Variants in CPNE4 observed in about 807,000 individuals in gnomAD.
CPNE4 encodes copine 4.
A neutral mutation model predicts 67.9 loss-of-function variants in CPNE4; 25 were observed. The observed-to-expected ratio is 0.37, with a 90% CI of 0.27 to 0.51. The LOEUF is 0.51. Among genes scored for constraint, CPNE4 ranks in the 20% least tolerant of loss-of-function variants. The probability of loss-of-function intolerance (pLI) is 0.93; values close to 1 mark genes in which losing one functional copy is unlikely to be tolerated. For missense variants in CPNE4, 464 were observed against 690.8 expected (o/e 0.67, Z 3.68); for synonymous variants, 242 against 244.9 (o/e 0.99, Z 0.11).
chr3:132,016,337 A>G (rs1298290049), intron 1 of CPNE4, among the ~76,000 whole-genome samples: 4 of 152,222 alleles, frequency 2.6e-5, no homozygotes, highest in African/African-American at 9.6e-5. Flanking sequence ...TGGAATTTCA[A>G]CCACCGATCT....
intron 1 of CPNE4, among the ~76,000 whole-genome samples, chr3:131,926,305 T>C (rs1284360996): frequency 1.3e-5 from 2 of 152,134 alleles, no homozygotes; most frequent in South Asian, 2.1e-4. Flanking sequence ...GTGACAAGCA[T>C]TGTAAAAAAA....
intron 2 of CPNE4, among the ~76,000 whole-genome samples, chr3:131,888,551 C>G (rs1359494973): frequency 2.0e-5 from 3 of 152,136 alleles, no homozygotes; most frequent in Admixed American, 2.0e-4. Context: ...AAACTGACCC[C>G]AAGAACATCT....
chr3:132,029,725 T>C (rs2074197706), intron 1 of CPNE4, among the ~76,000 whole-genome samples: 2 of 152,242 alleles, frequency 1.3e-5, no homozygotes, highest in Admixed American at 1.3e-4. Context: ...GAAATTTCTC[T>C]AGTTTCCTAA....
intron 1 of CPNE4, among the ~76,000 whole-genome samples, chr3:131,947,102 G>A (rs933950221): frequency 6.6e-6 from 1 of 152,166 alleles, no homozygotes; most frequent in Non-Finnish European, 1.5e-5. Flanking sequence ...TGTGATTATT[G>A]TAGCTCTATC....
intron 1 of CPNE4, among the ~76,000 whole-genome samples, chr3:131,982,602 G>A (rs891312461): frequency 6.6e-6 from 1 of 152,050 alleles, no homozygotes; most frequent in Non-Finnish European, 1.5e-5. Context: ...TTTATTATTT[G>A]TGTGCTTTAT....
chr3:131,657,221 G>A (rs1214335220), intron 7 of CPNE4, among the ~76,000 whole-genome samples: 1 of 152,120 alleles, frequency 6.6e-6, no homozygotes, highest in African/African-American at 2.4e-5. Flanking sequence ...TGACCCTGAA[G>A]TTTATGGTTT....
chr3:131,981,937 G>T (rs958403236), intron 1 of CPNE4, among the ~76,000 whole-genome samples: 3 of 152,194 alleles, frequency 2.0e-5, no homozygotes, highest in Non-Finnish European at 4.4e-5. Context: ...ATGTCTCCCA[G>T]GTCCTGCAGG....
chr3:131,569,225 C>T (rs944919595), intron 10 of CPNE4, among the ~76,000 whole-genome samples: 3 of 151,858 alleles, frequency 2.0e-5, no homozygotes, highest in African/African-American at 7.3e-5. Flanking sequence ...TAAGCAGACT[C>T]GAAGGTCTAC....
chr3:132,024,787 A>G (rs537306825), intron 1 of CPNE4, among the ~76,000 whole-genome samples: 29 of 152,286 alleles, frequency 1.9e-4, no homozygotes, highest in African/African-American at 7.0e-4. Context: ...TAATGTGTAT[A>G]AAGTGCCCCA....
At chr3:132,007,807 C>T (rs1303997334) in intron 1 of CPNE4, among the ~76,000 whole-genome samples, 2 of 152,176 alleles carry the variant, frequency 1.3e-5, no homozygotes, top group Non-Finnish European at 1.5e-5. Context: ...CAGTCACTTG[C>T]TCATGTGTCA....
intron 2 of CPNE4, among the ~76,000 whole-genome samples, chr3:131,751,771 T>TTTTTTG (rs1553765167): frequency 5.9e-5 from 8 of 136,578 alleles, no homozygotes; most frequent in South Asian, 2.4e-4. Context: ...GCTGTTTTTT[T>TTTTTTG]TTTGTTTTTT....
chr3:131,861,959 C>T (rs73203885), intron 2 of CPNE4, among the ~76,000 whole-genome samples: 4 of 152,068 alleles, frequency 2.6e-5, no homozygotes, highest in Non-Finnish European at 4.4e-5. Flanking sequence ...ACTAATGAAG[C>T]GAAGTGAGGA....
intron 7 of CPNE4, among the ~76,000 whole-genome samples, chr3:131,666,527 T>C (rs73871344): frequency 0.02 from 3,027 of 152,294 alleles, 110 homozygotes; most frequent in African/African-American, 0.063. Context: ...ACTAAGTTTA[T>C]ATCAAAAGAA....
At chr3:131,784,308 T>C (rs1238449765) in intron 2 of CPNE4, among the ~76,000 whole-genome samples, 3 of 152,100 alleles carry the variant, frequency 2.0e-5, no homozygotes, top group African/African-American at 7.2e-5. Context: ...TATAGGTCTG[T>C]AGGTGATTCC....
chr3:132,014,537 A>G (rs984223946), intron 1 of CPNE4, among the ~76,000 whole-genome samples: 10 of 152,126 alleles, frequency 6.6e-5, no homozygotes, highest in African/African-American at 2.4e-4. Flanking sequence ...CAGTATCCAG[A>G]TTATTTCCAT....
At chr3:131,787,639 A>C (rs1461986259) in intron 2 of CPNE4, among the ~76,000 whole-genome samples, 1 of 152,162 alleles carries the variant, frequency 6.6e-6, no homozygotes, top group African/African-American at 2.4e-5. Context: ...TGCATCTCTG[A>C]GTAACACATG....
chr3:131,656,653 A>G (rs1390341675), intron 7 of CPNE4, among the ~76,000 whole-genome samples: 1 of 152,252 alleles, frequency 6.6e-6, no homozygotes, highest in African/African-American at 2.4e-5. Context: ...GGTGAATTAC[A>G]TAGGCCAGTT....
intron 13 of CPNE4, among the ~76,000 whole-genome samples, chr3:131,552,142 AGTT>A (rs1936215562): frequency 1.3e-5 from 2 of 151,734 alleles, no homozygotes; most frequent in South Asian, 4.2e-4. Context: ...TACCAGGTGA[AGTT>A]TCATTTATTA....
At chr3:131,724,087 GA>G (rs1309945691) in intron 2 of CPNE4, among the ~76,000 whole-genome samples, 3 of 152,104 alleles carry the variant, frequency 2.0e-5, no homozygotes, top group Admixed American at 6.5e-5. Flanking sequence ...GGCTCAGGAG[GA>G]AAGAAATCTG....
Sources: allele counts gnomAD v4.1 joint callset (sites outside exome capture counted in the v4.1 genomes callset), GRCh38; gene constraint gnomAD v4.1.1; transcripts MANE v1.5; gene names NCBI Gene and HGNC (gene_info 2026-07-23, HGNC 2026-07-21).